EPHA6: variants seen among roughly 807,000 people sequenced by gnomAD.
The protein encoded by EPHA6 is ephrin type-A receptor 6.
In EPHA6, 50 loss-of-function variants were observed where a neutral mutation model predicts 112.0. The ratio of observed to expected loss-of-function variants is 0.45; its 90% CI spans 0.36 to 0.56. The LOEUF (loss-of-function observed/expected upper bound fraction) is 0.56, where lower values mean the gene tolerates loss of function less well. Among genes scored for constraint, EPHA6 ranks in the 20% least tolerant of loss-of-function variants. The pLI is 0.00. For synonymous variants in EPHA6, 529 were observed against 490.7 expected (o/e 1.08, Z -1.03); for missense variants, 1,280 against 1,417.4 (o/e 0.90, Z 1.56).
Position 97,448,657 on chromosome 3 carries a change from T to C in EPHA6, c.1821T>C (p.Phe607=). The C allele has an allele frequency of 6.2e-7, 1 of 1,613,576 alleles. No homozygotes were observed. The highest frequency in any genetic ancestry group is 8.5e-7 in the Non-Finnish European group (1 of 1,179,610). The part of the protein sequence containing the change: ...TGLKPATKYV[F]HIRVRTATGY... ...TTAAGCCAGCCACCAAATATGTATT[T>C]CACATCCGAGTGAGAACTGCGACAG... The change falls in exon 7 of 18, where the codon TTT becomes TTC. Residue 607 remains phenylalanine (F), a synonymous_variant. Transcript: ENST00000389672.
chr3:97,682,550 T>A (rs1411317448), intron 14 of EPHA6, among the ~76,000 whole-genome samples: 1 of 152,082 alleles, frequency 6.6e-6, no homozygotes, highest in Non-Finnish European at 1.5e-5. Context: ...ATGTCTCAAT[T>A]TCCTCCATAG....
chr3:96,988,226 A>G (rs984570423), intron 3 of EPHA6, among the ~76,000 whole-genome samples: 5 of 152,180 alleles, frequency 3.3e-5, no homozygotes, highest in African/African-American at 9.6e-5. Context: ...ATTTCAAATA[A>G]TACATTTTTG....
rs140659511 is a variant in EPHA6, at chr3:97,444,864, G to T, written c.1732-3704G>T. 1.4e-3 allele frequency among the ~76,000 whole-genome samples: 207 copies of T among 152,184 alleles called. 2 individuals are homozygous for T. The highest frequency in any genetic ancestry group is 7.4e-4 in the Non-Finnish European group (50 of 68,000). ...GTTGACACCTATAAAGCTAAGTTCAGTATTTCAGGTAAACGAAAGATTCAG... is the reference window on the plus strand; with the variant it reads ...GTTGACACCTATAAAGCTAAGTTCATTATTTCAGGTAAACGAAAGATTCAG... On this transcript the variant is annotated intron_variant, in intron 6 of 17. Transcript: ENST00000389672.
rs556944274 is a variant in EPHA6, at chr3:97,578,287, G to A, written c.2387-14325G>A. ...GAACCTCCGAGACCCAAGATCCTTC[G>A]ACATACTGAACAGCTGTCTTCAGCA... On this transcript the variant is annotated intron_variant, in intron 11 of 17. Coordinates refer to ENST00000389672, the MANE Select transcript of EPHA6 (RefSeq NM_001080448.3). Among the ~76,000 whole-genome samples, 77 of 151,790 alleles carry A rather than the reference G, an allele frequency of 5.1e-4. 1 individual carries two copies. The highest frequency in any genetic ancestry group is 1.8e-3 in the African/African-American group (75 of 41,374).
intron 2 of EPHA6, among the ~76,000 whole-genome samples, chr3:96,978,105 A>G (rs944787418): frequency 2.6e-5 from 4 of 152,194 alleles, no homozygotes; most frequent in African/African-American, 7.2e-5. Flanking sequence ...GGTTGCAGTG[A>G]CCAAAAATTG....
chr3:97,327,312 G>T (rs1426174323), intron 5 of EPHA6, among the ~76,000 whole-genome samples: 1 of 151,926 alleles, frequency 6.6e-6, no homozygotes, highest in Non-Finnish European at 1.5e-5. Context: ...AGATTCACAT[G>T]CAAATATAAG....
At chr3:97,619,561 C>G (rs1164193347) in intron 13 of EPHA6, among the ~76,000 whole-genome samples, 1 of 151,950 alleles carries the variant, frequency 6.6e-6, no homozygotes, top group East Asian at 1.9e-4. Flanking sequence ...TAAGCAACTT[C>G]AGCAAACTCT....
chr3:97,671,001 A>G (rs545093198), intron 14 of EPHA6, among the ~76,000 whole-genome samples: 1 of 152,282 alleles, frequency 6.6e-6, no homozygotes, highest in Admixed American at 6.5e-5. Flanking sequence ...AGGATCTTCT[A>G]GAGAATCTAG....
intron 5 of EPHA6, among the ~76,000 whole-genome samples, chr3:97,363,762 A>G (rs2084542251): frequency 6.6e-6 from 1 of 152,128 alleles, no homozygotes; most frequent in Non-Finnish European, 1.5e-5. Context: ...CCAAATGTCC[A>G]TTAAAAGATG....
At chr3:97,732,952 A>C (rs1235213432) in intron 15 of EPHA6, among the ~76,000 whole-genome samples, 1 of 152,052 alleles carries the variant, frequency 6.6e-6, no homozygotes, top group African/African-American at 2.4e-5. Context: ...GAAATTTATA[A>C]GCCAGAGGTC....
At chr3:97,151,655 C>T (rs1004839611) in intron 3 of EPHA6, among the ~76,000 whole-genome samples, 12 of 151,986 alleles carry the variant, frequency 7.9e-5, no homozygotes, top group Middle Eastern at 3.4e-3. Flanking sequence ...ATATTTTGTG[C>T]CTTACTGTGA....
chr3:97,640,766 G>A (rs1053756466), intron 14 of EPHA6, among the ~76,000 whole-genome samples: 3 of 151,758 alleles, frequency 2.0e-5, no homozygotes, highest in African/African-American at 4.8e-5. Context: ...GTCAACAAGA[G>A]TGAAACTCCA....
chr3:97,736,764 C>G (rs1176585075), intron 16 of EPHA6, among the ~76,000 whole-genome samples: 2 of 150,980 alleles, frequency 1.3e-5, no homozygotes, highest in East Asian at 3.9e-4. Flanking sequence ...CGGTGAAGAG[C>G]AATTATAAGA....
chr3:97,387,734 C>T (rs748422883), intron 5 of EPHA6, among the ~76,000 whole-genome samples: 1 of 152,164 alleles, frequency 6.6e-6, no homozygotes, highest in African/African-American at 2.4e-5. Context: ...TTTCATGTAT[C>T]TTTATAGCAA....
chr3:97,567,813 A>C (rs2093286932), intron 11 of EPHA6, among the ~76,000 whole-genome samples: 4 of 152,214 alleles, frequency 2.6e-5, no homozygotes, highest in Non-Finnish European at 2.9e-5. Context: ...GAGGCACAGC[A>C]AGCTATGCAA....
chr3:97,339,044 C>T (rs1256863691), intron 5 of EPHA6, among the ~76,000 whole-genome samples: 3 of 152,172 alleles, frequency 2.0e-5, no homozygotes, highest in African/African-American at 4.8e-5. Context: ...CTGCTTAATG[C>T]TCTTAGAGAA....
At chr3:96,869,263 A>G (rs2036501964) in intron 2 of EPHA6, among the ~76,000 whole-genome samples, 1 of 151,980 alleles carries the variant, frequency 6.6e-6, no homozygotes, top group African/African-American at 2.4e-5. Context: ...TCACTAGGCC[A>G]AAGAATGTGT....
At chr3:97,222,356 A>G (rs1057117912) in intron 3 of EPHA6, among the ~76,000 whole-genome samples, 1 of 152,176 alleles carries the variant, frequency 6.6e-6, no homozygotes, top group African/African-American at 2.4e-5. Context: ...AAGTAACCCA[A>G]ATATATTTTA....
intron 3 of EPHA6, among the ~76,000 whole-genome samples, chr3:97,125,009 C>T (rs1322577248): frequency 6.6e-6 from 1 of 151,214 alleles, no homozygotes; most frequent in Non-Finnish European, 1.5e-5. Flanking sequence ...CCTTGACCCC[C>T]AAGTACAAAA....
Sources: gnomAD v4.1 joint callset for allele counts (sites outside exome capture counted in the v4.1 genomes callset) on GRCh38, gnomAD v4.1.1 for gene constraint, MANE v1.5 for transcripts, NCBI Gene and HGNC (gene_info 2026-07-23, HGNC 2026-07-21) for gene names.